ESRRB: variants seen among roughly 807,000 people sequenced by gnomAD.
The protein encoded by ESRRB is estrogen related receptor beta, also known as steroid hormone receptor ERR2.
In ESRRB, 16 loss-of-function variants were observed where a neutral mutation model predicts 46.0. That is an observed-to-expected ratio of 0.35 (90% CI 0.24 to 0.53). The LOEUF (loss-of-function observed/expected upper bound fraction) is 0.53, where lower values mean the gene tolerates loss of function less well. ESRRB is among the 20% of genes least tolerant of loss of function. ESRRB has a pLI of 0.93. For missense variants in ESRRB, 488 were observed against 607.4 expected (o/e 0.80, Z 2.07); for synonymous variants, 246 against 259.6 (o/e 0.95, Z 0.50).
intron 1 of ESRRB, among the ~76,000 whole-genome samples, chr14:76,331,381 GA>G (rs1884011608): frequency 6.6e-6 from 1 of 152,182 alleles, no homozygotes; most frequent in Non-Finnish European, 1.5e-5. Flanking sequence ...AAATGGGGAT[GA>G]TAAAAGTAGC....
chr14:76,410,774 CT>C (rs1220032711), intron 1 of ESRRB, among the ~76,000 whole-genome samples: 1 of 151,796 alleles, frequency 6.6e-6, no homozygotes, highest in Non-Finnish European at 1.5e-5. Flanking sequence ...CTCTTTTCTT[CT>C]TATTTTTTTT....
chr14:76,362,048 C>G (rs1884471126), intron 1 of ESRRB, among the ~76,000 whole-genome samples: 1 of 152,170 alleles, frequency 6.6e-6, no homozygotes, highest in Admixed American at 6.5e-5. Flanking sequence ...AATCTGAGCA[C>G]AGTGTGGGTG....
At chr14:76,395,895 C>G (rs1213175170) in intron 1 of ESRRB, among the ~76,000 whole-genome samples, 3 of 151,890 alleles carry the variant, frequency 2.0e-5, no homozygotes, top group African/African-American at 7.3e-5. Flanking sequence ...AGGCCTTCAG[C>G]CGGGCATGGT....
chr14:76,350,536 C>G (rs1465646911), intron 1 of ESRRB, among the ~76,000 whole-genome samples: 2 of 152,196 alleles, frequency 1.3e-5, no homozygotes, highest in Non-Finnish European at 2.9e-5. Flanking sequence ...CCACTAGTGT[C>G]TGTAACTTCA....
At chr14:76,409,376 C>T (rs1886335472) in intron 1 of ESRRB, among the ~76,000 whole-genome samples, 1 of 152,098 alleles carries the variant, frequency 6.6e-6, no homozygotes, top group East Asian at 1.9e-4. Flanking sequence ...GCAGTTGAGG[C>T]TGGAGAAAGG....
rs912951505 is a variant in ESRRB, at chr14:76,500,426, C to A, written c.*1968C>A. ...TTTGGGTGGAGGCACACATTTGGGG[C>A]AAAGGCCCCTTCTTGGCATCAAGGA... On this transcript the variant is annotated 3_prime_UTR_variant, in exon 7 of 7. Transcript: ENST00000644823. 5.3e-5 allele frequency: 31 copies of A among 590,152 alleles called. No homozygotes were observed. In the East Asian group the frequency reaches 8.1e-4, roughly 15 times the overall value. 36.6% of individuals were successfully genotyped at this position (590,152 alleles called of 1,614,324 possible). A position where few individuals can be genotyped will look rare whatever the true frequency, so the allele number is the denominator to read the frequency against.
In ESRRB at chr14:76,450,444, C is replaced by T. The variant is rs115614900; in HGVS notation, c.460+10694C>T. On this transcript the variant is annotated intron_variant, in intron 2 of 6. Coordinates refer to ENST00000644823, the MANE Select transcript of ESRRB (RefSeq NM_001379180.1). The stretch of plus-strand genomic sequence containing the variant: ...TGATACATGGCCATGAGGGGCTGTA[C>T]GGTTAGGTAAAGCCAGTCTGCACTC... 2.0e-3 allele frequency among the ~76,000 whole-genome samples: 301 copies of T among 152,124 alleles called. 2 individuals are homozygous for T. The highest frequency in any genetic ancestry group is 6.6e-3 in the African/African-American group (273 of 41,502).
chr14:76,351,185 A>T (rs1284314442), intron 1 of ESRRB, among the ~76,000 whole-genome samples: 3 of 152,218 alleles, frequency 2.0e-5, no homozygotes, highest in Non-Finnish European at 4.4e-5. Flanking sequence ...ATGGAAAAGA[A>T]TTAAAGTTAA....
At chr14:76,358,397 A>AAGAAAGAGAGAGAGAG (rs1566859713) in intron 1 of ESRRB, among the ~76,000 whole-genome samples, 1 of 126,970 alleles carries the variant, frequency 7.9e-6, no homozygotes, top group Admixed American at 8.0e-5. Context: ...GAAAGAAAGA[A>AAGAAAGAGAGAGAGAG]AGAAAGAAAG....
chr14:76,474,612 G>A (rs1045443075), intron 3 of ESRRB, among the ~76,000 whole-genome samples: 1 of 152,124 alleles, frequency 6.6e-6, no homozygotes, highest in Non-Finnish European at 1.5e-5. Flanking sequence ...AGGCTGAAGA[G>A]GGTGGATTGC....
At chr14:76,331,672 C>T (rs1884015407) in intron 1 of ESRRB, among the ~76,000 whole-genome samples, 1 of 152,064 alleles carries the variant, frequency 6.6e-6, no homozygotes, top group Admixed American at 6.6e-5. Flanking sequence ...GTCCAGGGGG[C>T]TAGCTAATTT....
intron 2 of ESRRB, among the ~76,000 whole-genome samples, chr14:76,447,084 C>G (rs1202851883): frequency 6.6e-6 from 1 of 152,192 alleles, no homozygotes; most frequent in African/African-American, 2.4e-5. Flanking sequence ...TTCACTGATT[C>G]CGCAGCTATT....
At chr14:76,395,563 C>A (rs189665954) in intron 1 of ESRRB, among the ~76,000 whole-genome samples, 1 of 152,102 alleles carries the variant, frequency 6.6e-6, no homozygotes, top group African/African-American at 2.4e-5. Flanking sequence ...GTCACCTAAC[C>A]TCCCTGTGCA....
chr14:76,409,969 A>G (rs1200760772), intron 1 of ESRRB, among the ~76,000 whole-genome samples: 1 of 152,166 alleles, frequency 6.6e-6, no homozygotes, highest in Non-Finnish European at 1.5e-5. Context: ...CAGTCCTGTA[A>G]TGCCAGCACT....
chr14:76,466,359 C>T (rs762751166), intron 3 of ESRRB, among the ~76,000 whole-genome samples: 5 of 152,102 alleles, frequency 3.3e-5, no homozygotes, highest in Non-Finnish European at 7.3e-5. Context: ...GATCGTTTCC[C>T]AGTTTGGGGG....
At chr14:76,399,964 T>C (rs1885868700) in intron 1 of ESRRB, among the ~76,000 whole-genome samples, 2 of 152,240 alleles carry the variant, frequency 1.3e-5, no homozygotes, top group South Asian at 4.1e-4. Flanking sequence ...GCTCAGTCCC[T>C]GATCCATGCG....
chr14:76,396,969 T>A (rs1885713555), intron 1 of ESRRB, among the ~76,000 whole-genome samples: 1 of 152,186 alleles, frequency 6.6e-6, no homozygotes, highest in African/African-American at 2.4e-5. Context: ...GCCATTAATC[T>A]TGTGTCTCTG....
chr14:76,317,981 G>T (rs978130006), intron 1 of ESRRB, among the ~76,000 whole-genome samples: 1 of 152,104 alleles, frequency 6.6e-6, no homozygotes, highest in African/African-American at 2.4e-5. Flanking sequence ...CATTCTCCTT[G>T]GTTTGTTTTC....
rs191134519 is a variant in ESRRB, at chr14:76,387,270, G to T, written c.50+10819G>T. Among the ~76,000 whole-genome samples the T allele has an allele frequency of 3.9e-5, 6 of 152,340 alleles. No homozygotes were observed. In the East Asian group the frequency reaches 1.2e-3, roughly 29 times the overall value. On this transcript the variant is annotated intron_variant, in intron 1 of 6. Transcript: ENST00000644823. ...CCTCTCAGAACAGCACAGTCGCACAGCCTTGGTAAACACAACCATTGTTTT... is the reference window on the plus strand; with the variant it reads ...CCTCTCAGAACAGCACAGTCGCACATCCTTGGTAAACACAACCATTGTTTT...
Sources: allele counts gnomAD v4.1 joint callset (sites outside exome capture counted in the v4.1 genomes callset), GRCh38; gene constraint gnomAD v4.1.1; transcripts MANE v1.5; gene names NCBI Gene and HGNC (gene_info 2026-07-23, HGNC 2026-07-21).